Variants in ERICH6B observed in about 807,000 individuals in gnomAD.
ERICH6B encodes the protein glutamate rich 6B, also known as glutamate-rich protein 6B.
ERICH6B carries 69 observed loss-of-function variants against 80.0 expected under a neutral mutation model. That is an observed-to-expected ratio of 0.86 (90% CI 0.71 to 1.05). The LOEUF (loss-of-function observed/expected upper bound fraction) is 1.05. Ranked by LOEUF, ERICH6B falls within the 50% of genes least tolerant of loss-of-function variation. ERICH6B has a pLI of 0.00. For missense variants in ERICH6B, 754 were observed against 796.1 expected (o/e 0.95, Z 0.64); for synonymous variants, 283 against 291.9 (o/e 0.97, Z 0.31).
chr13:45,559,936 A>G (rs1384586252), intron 11 of ERICH6B, among the ~76,000 whole-genome samples: 1 of 152,066 alleles, frequency 6.6e-6, no homozygotes, highest in Non-Finnish European at 1.5e-5. Context: ...GTTTAAATCC[A>G]TTGTTTCTTT....
At chr13:45,595,181 G>T (rs1232530961) in intron 3 of ERICH6B, among the ~76,000 whole-genome samples, 1 of 152,146 alleles carries the variant, frequency 6.6e-6, no homozygotes, top group Non-Finnish European at 1.5e-5. Context: ...GTGTAGGAAT[G>T]TATTCCAGGA....
At chr13:45,584,253 C>CA (rs1479756411) in intron 5 of ERICH6B, among the ~76,000 whole-genome samples, 18 of 152,192 alleles carry the variant, frequency 1.2e-4, no homozygotes, top group Non-Finnish European at 2.1e-4. Context: ...GAGGCCATAA[C>CA]TAGTGTTTCC....
At chr13:45,581,760 A>G (rs981529476) in intron 5 of ERICH6B, among the ~76,000 whole-genome samples, 3 of 152,210 alleles carry the variant, frequency 2.0e-5, no homozygotes, top group African/African-American at 7.2e-5. Flanking sequence ...GGAGTGTCCT[A>G]AATTCAAGAC....
At chr13:45,572,611 C>T (rs754068554) in intron 8 of ERICH6B, among the ~76,000 whole-genome samples, 6 of 152,136 alleles carry the variant, frequency 3.9e-5, no homozygotes, top group Non-Finnish European at 8.8e-5. Flanking sequence ...AAAGAAAATA[C>T]TAATACATGA....
At chr13:45,548,002 T>A (rs1334490664) in intron 13 of ERICH6B, among the ~76,000 whole-genome samples, 2 of 152,118 alleles carry the variant, frequency 1.3e-5, no homozygotes, top group Non-Finnish European at 2.9e-5. Context: ...GGTGAAAAGA[T>A]CCTGAACTGT....
In ERICH6B at chr13:45,596,989, T is replaced by G; in HGVS notation, c.17A>C (p.Asn6Thr). 1 of 1,545,626 alleles carries G rather than the reference T, an allele frequency of 6.5e-7. No individual in the cohort carries two copies. Among genetic ancestry groups the G allele is most frequent in the Non-Finnish European group, 8.7e-7 (1 of 1,142,910 alleles). Reference protein sequence around the residue: MSAENNQLSGASPPHP... With the variant: MSAENTQLSGASPPHP... ...AGGAGGTGATGCTCCTGATAACTGA[T>G]TATTTTCAGCAGACATGCTGGGGAA... The change falls in exon 3 of 15, where the codon AAT becomes ACT. Residue 6 changes from asparagine (N) to threonine (T), a missense_variant. By Grantham distance (65) the Asn-to-Thr change is moderately conservative. Transcript: ENST00000298738.
intron 5 of ERICH6B, among the ~76,000 whole-genome samples, chr13:45,582,932 T>A (rs1013475108): frequency 4.6e-5 from 7 of 152,200 alleles, no homozygotes; most frequent in African/African-American, 1.4e-4. Context: ...CTTGTGGTCA[T>A]TTTGCTCTCA....
intron 5 of ERICH6B, among the ~76,000 whole-genome samples, chr13:45,584,731 C>T (rs1459104673): frequency 6.6e-6 from 1 of 152,208 alleles, no homozygotes; most frequent in African/African-American, 2.4e-5. Context: ...TTGCTGACTC[C>T]TGCGGGCCTC....
intron 5 of ERICH6B, 129 bp from the exon 6 acceptor site, chr13:45,580,794 T>A (rs1875624872): frequency 1.2e-6 from 1 of 851,882 alleles, no homozygotes; most frequent in Non-Finnish European, 1.8e-6. Flanking sequence ...TGGGGGGAAC[T>A]GAGGCTGGCG....
intron 7 of ERICH6B, among the ~76,000 whole-genome samples, chr13:45,579,055 A>G (rs543854678): frequency 7.4e-6 from 1 of 134,878 alleles, no homozygotes; most frequent in South Asian, 2.8e-4. Context: ...AAGAAAGGTC[A>G]GATCTCAAAT....
At chr13:45,590,354 C>T (rs1030992630) in intron 4 of ERICH6B, among the ~76,000 whole-genome samples, 2 of 152,154 alleles carry the variant, frequency 1.3e-5, no homozygotes, top group Non-Finnish European at 2.9e-5. Flanking sequence ...GCACTGCTTG[C>T]GAGCCCTTTG....
chr13:45,543,783 T>C (rs767311642), intron 14 of ERICH6B, among the ~76,000 whole-genome samples: 26 of 152,172 alleles, frequency 1.7e-4, no homozygotes, highest in Non-Finnish European at 3.4e-4. Context: ...CCTGCCTGCC[T>C]GGGGAGTGTG....
intron 11 of ERICH6B, 54 bp downstream of exon 11, chr13:45,561,315 A>T: frequency 6.5e-7 from 1 of 1,528,884 alleles, no homozygotes; most frequent in South Asian, 1.2e-5. Flanking sequence ...ACCTCACCAG[A>T]GCCAAAAAAA....
chr13:45,552,416 T>C (rs1269520926), intron 11 of ERICH6B, among the ~76,000 whole-genome samples: 1 of 152,040 alleles, frequency 6.6e-6, no homozygotes, highest in Admixed American at 6.6e-5. Flanking sequence ...TCTTTATTTC[T>C]GGTGTTGGCT....
At position 45,579,976 on chromosome 13, in the gene ERICH6B, T is replaced by C; in HGVS notation, c.920-2A>G. On this transcript the variant is annotated splice_acceptor_variant, in intron 6 of 14. Coordinates refer to ENST00000298738, the MANE Select transcript of ERICH6B (RefSeq NM_182542.3). LOFTEE classifies it high-confidence loss of function. ...GCTGTACTTTAGTGTTAACATGCTCTAAAAAAGAATAAGAAAAATTATTAA... is the reference window on the plus strand; with the variant it reads ...GCTGTACTTTAGTGTTAACATGCTCCAAAAAAGAATAAGAAAAATTATTAA... The C allele has an allele frequency of 6.5e-7, 1 of 1,545,614 alleles. No individual in the cohort carries two copies.
intron 2 of ERICH6B, among the ~76,000 whole-genome samples, chr13:45,603,332 A>C (rs920368764): frequency 2.0e-5 from 3 of 152,190 alleles, no homozygotes; most frequent in Admixed American, 2.0e-4. Context: ...CCCTTAGTTC[A>C]GTCAAATTAA....
chr13:45,546,158 TTC>T (rs1032484597), intron 13 of ERICH6B, among the ~76,000 whole-genome samples: 21 of 152,148 alleles, frequency 1.4e-4, no homozygotes, highest in African/African-American at 5.1e-4. Context: ...GTGGATGGAT[TTC>T]TCTCTCATCC....
chr13:45,551,680 A>G (rs528765549), intron 11 of ERICH6B: 2 of 152,324 alleles, frequency 1.3e-5, no homozygotes, highest in Non-Finnish European at 2.9e-5. Flanking sequence ...TGAATCCCCA[A>G]TGCAATAGTG....
intron 9 of ERICH6B, 105 bp from the exon 10 acceptor site, chr13:45,563,893 G>A: frequency 3.2e-6 from 3 of 927,436 alleles, no homozygotes; most frequent in Non-Finnish European, 5.0e-6. Flanking sequence ...CTCTTTCGCA[G>A]GTGGAAATGG....
Sources: gnomAD v4.1 joint callset for allele counts (sites outside exome capture counted in the v4.1 genomes callset) on GRCh38, gnomAD v4.1.1 for gene constraint, MANE v1.5 for transcripts, NCBI Gene and HGNC (gene_info 2026-07-23, HGNC 2026-07-21) for gene names.